NR3C2: variants seen among roughly 807,000 people sequenced by gnomAD.
The protein encoded by NR3C2 is mineralocorticoid receptor.
In NR3C2, 15 loss-of-function variants were observed where a neutral mutation model predicts 86.4. That is an observed-to-expected ratio of 0.17 (90% CI 0.12 to 0.27). NR3C2 has a LOEUF of 0.27. Among genes scored for constraint, NR3C2 ranks in the 10% least tolerant of loss-of-function variants. The pLI is 1.00. For missense variants in NR3C2, 960 were observed against 1,195.6 expected, an observed-to-expected ratio of 0.80 and a Z score of 2.91; for synonymous variants, 458 against 450.5, an observed-to-expected ratio of 1.02 and a Z score of -0.21.
intron 2 of NR3C2, among the ~76,000 whole-genome samples, chr4:148,287,173 T>C (rs1258246222): frequency 6.6e-6 from 1 of 152,206 alleles, no homozygotes; most frequent in Admixed American, 6.5e-5. Context: ...CTGTTAACTA[T>C]TTTTTTCTCT....
chr4:148,100,546 A>C (rs1192971943), intron 8 of NR3C2, among the ~76,000 whole-genome samples: 1 of 152,244 alleles, frequency 6.6e-6, no homozygotes, highest in Non-Finnish European at 1.5e-5. Context: ...GAAGATGAGC[A>C]CTAAAAAGAA....
At chr4:148,355,369 CATA>C (rs142396072) in intron 2 of NR3C2, among the ~76,000 whole-genome samples, 140 of 152,292 alleles carry the variant, frequency 9.2e-4, no homozygotes, top group African/African-American at 3.2e-3. Context: ...TTGCATTTAT[CATA>C]ATGTTTCTGC....
chr4:148,333,970 A>C (rs1744357498), intron 2 of NR3C2, among the ~76,000 whole-genome samples: 1 of 152,210 alleles, frequency 6.6e-6, no homozygotes, highest in Admixed American at 6.5e-5. Flanking sequence ...AAATAAATTT[A>C]AAATTTATTT....
intron 6 of NR3C2, among the ~76,000 whole-genome samples, chr4:148,151,569 CTT>C (rs765995012): frequency 1.2e-4 from 19 of 152,178 alleles, no homozygotes; most frequent in Non-Finnish European, 2.8e-4. Context: ...AACTGGTACT[CTT>C]AGGTAAATTA....
chr4:148,111,143 C>G (rs1297393907), intron 8 of NR3C2, among the ~76,000 whole-genome samples: 5 of 152,198 alleles, frequency 3.3e-5, no homozygotes, highest in Non-Finnish European at 5.9e-5. Context: ...AGTCAGAAAA[C>G]AAATTATCCA....
intron 3 of NR3C2, among the ~76,000 whole-genome samples, chr4:148,214,887 A>T (rs1041770257): frequency 6.6e-6 from 1 of 152,234 alleles, no homozygotes; most frequent in Non-Finnish European, 1.5e-5. Context: ...CAGGCCAAAC[A>T]AAACATCTTG....
At chr4:148,105,397 CA>C (rs1431455063) in intron 8 of NR3C2, among the ~76,000 whole-genome samples, 2 of 151,930 alleles carry the variant, frequency 1.3e-5, no homozygotes, top group African/African-American at 2.4e-5. Context: ...GCCTACCAAC[CA>C]AAAAAAGCCC....
At chr4:148,228,280 T>TACACACAC (rs61297657) in intron 3 of NR3C2, among the ~76,000 whole-genome samples, 4 of 151,384 alleles carry the variant, frequency 2.6e-5, no homozygotes, top group South Asian at 4.2e-4. Context: ...GCATTATTTA[T>TACACACAC]ACACACACAC....
chr4:148,165,612 A>G (rs145774927), intron 4 of NR3C2, among the ~76,000 whole-genome samples: 28 of 152,266 alleles, frequency 1.8e-4, no homozygotes, highest in Middle Eastern at 6.8e-3. Flanking sequence ...CCTTTACATT[A>G]TTTATATGAA....
At chr4:148,106,510 C>G (rs538572950) in intron 8 of NR3C2, among the ~76,000 whole-genome samples, 160 of 152,210 alleles carry the variant, frequency 1.1e-3, no homozygotes, top group African/African-American at 3.5e-3. Context: ...TTAGAAAAAA[C>G]TAATTTAAAT....
At position 148,202,186 on chromosome 4, in the gene NR3C2, A is replaced by G. The variant is rs530601178; in HGVS notation, c.1898-7324T>C. Among the ~76,000 whole-genome samples, 25 of 152,352 alleles carry G rather than the reference A, an allele frequency of 1.6e-4. 1 individual carries two copies. The highest frequency in any genetic ancestry group is 5.8e-4 in the African/African-American group (24 of 41,586). On this transcript the variant is annotated intron_variant, in intron 3 of 8. Coordinates refer to ENST00000358102, the MANE Select transcript of NR3C2 (RefSeq NM_000901.5). The stretch of plus-strand genomic sequence containing the variant: ...CATTGACATTTGCTCCTGCCCCAGT[A>G]CCCAGATTCCTTCCCGTCCCCACAG...
At chr4:148,354,443 C>T (rs193258275) in intron 2 of NR3C2, among the ~76,000 whole-genome samples, 172 of 152,166 alleles carry the variant, frequency 1.1e-3, no homozygotes, top group African/African-American at 4.0e-3. Flanking sequence ...GTGTCCCTAA[C>T]CCTTGCATTA....
chr4:148,142,581 GC>G (rs1356680402), intron 6 of NR3C2, among the ~76,000 whole-genome samples: 1 of 152,044 alleles, frequency 6.6e-6, no homozygotes, highest in Non-Finnish European at 1.5e-5. Flanking sequence ...TGCAACCTCC[GC>G]CTCCTGGGCT....
At chr4:148,443,871 G>A (rs1003960682), upstream of NR3C2, 3 of 447,728 alleles carry the variant, frequency 6.7e-6, no homozygotes, top group African/African-American at 6.4e-5. Flanking sequence ...CCCTAACCCA[G>A]GGCTGAGACT....
intron 5 of NR3C2, 85 bp downstream of exon 5, chr4:148,154,466 C>A: frequency 8.1e-7 from 1 of 1,240,952 alleles, no homozygotes; most frequent in Non-Finnish European, 1.2e-6. Flanking sequence ...ACGCAAACTC[C>A]TCCTGCATGG....
intron 2 of NR3C2, among the ~76,000 whole-genome samples, chr4:148,411,746 AACC>A (rs1381489789): frequency 6.6e-6 from 1 of 152,254 alleles, no homozygotes; most frequent in Admixed American, 6.5e-5. Flanking sequence ...ATGCATAGAC[AACC>A]AGAGCAAGCT....
chr4:148,126,118 G>A (rs555944773), intron 6 of NR3C2, among the ~76,000 whole-genome samples: 3 of 152,368 alleles, frequency 2.0e-5, no homozygotes, highest in African/African-American at 7.2e-5. Context: ...AGGTCCTAGA[G>A]GGGCACAGCC....
At chr4:148,352,769 A>G (rs932446412) in intron 2 of NR3C2, among the ~76,000 whole-genome samples, 1 of 152,154 alleles carries the variant, frequency 6.6e-6, no homozygotes, top group East Asian at 1.9e-4. Context: ...AATGCCAACC[A>G]TCAGGTTCTT....
chr4:148,312,507 C>T (rs1742950290), intron 2 of NR3C2, among the ~76,000 whole-genome samples: 1 of 152,168 alleles, frequency 6.6e-6, no homozygotes, highest in Admixed American at 6.5e-5. Flanking sequence ...GTCTGTCTGA[C>T]TCTGCTATGG....
Sources: gnomAD v4.1 joint callset for allele counts (sites outside exome capture counted in the v4.1 genomes callset) on GRCh38, gnomAD v4.1.1 for gene constraint, MANE v1.5 for transcripts, NCBI Gene and HGNC (gene_info 2026-07-23, HGNC 2026-07-21) for gene names.